Variants in SEMA3C observed in about 807,000 individuals in gnomAD.
SEMA3C encodes the protein semaphorin 3C.
SEMA3C carries 47 observed loss-of-function variants against 89.4 expected under a neutral mutation model. That is an observed-to-expected ratio of 0.53 (90% CI 0.42 to 0.67). The LOEUF is 0.67. SEMA3C is among the 30% of genes least tolerant of loss of function. SEMA3C has a pLI of 0.00. For synonymous variants in SEMA3C, 310 were observed against 320.2 expected (o/e 0.97, Z 0.34); for missense variants, 839 against 929.1 (o/e 0.90, Z 1.26).
intron 2 of SEMA3C, among the ~76,000 whole-genome samples, chr7:80,859,659 C>T (rs76446001): frequency 1.8e-4 from 27 of 152,260 alleles, no homozygotes; most frequent in Non-Finnish European, 3.7e-4. Flanking sequence ...AATAGTTTGG[C>T]GGCACACATT....
chr7:80,888,849 T>A (rs2116138287), intron 2 of SEMA3C, among the ~76,000 whole-genome samples: 1 of 152,098 alleles, frequency 6.6e-6, no homozygotes, highest in East Asian at 1.9e-4. Flanking sequence ...TTTTATCTTT[T>A]ATTTGAAATG....
At chr7:80,818,717 T>C (rs771807025) in intron 4 of SEMA3C, among the ~76,000 whole-genome samples, 1 of 152,210 alleles carries the variant, frequency 6.6e-6, no homozygotes, top group Admixed American at 6.5e-5. Context: ...GAATTTGTGC[T>C]GGGCCACATT....
chr7:80,865,749 G>A (rs996823312), intron 2 of SEMA3C, among the ~76,000 whole-genome samples: 4 of 152,028 alleles, frequency 2.6e-5, no homozygotes, highest in Admixed American at 6.5e-5. Context: ...AGCAGAGATC[G>A]CGCCATTGCA....
chr7:80,754,898 C>T (rs1788019871), intron 15 of SEMA3C, among the ~76,000 whole-genome samples: 1 of 151,610 alleles, frequency 6.6e-6, no homozygotes, highest in African/African-American at 2.4e-5. Flanking sequence ...CTGCCTCAGC[C>T]TCCCAAGTAT....
chr7:80,798,517 A>T (rs1398011003), intron 10 of SEMA3C, among the ~76,000 whole-genome samples: 3 of 152,218 alleles, frequency 2.0e-5, no homozygotes, highest in Non-Finnish European at 4.4e-5. Flanking sequence ...GTTTCTAACT[A>T]GTTCATCTTA....
chr7:80,810,686 T>C lies in SEMA3C; in HGVS notation c.463A>G (p.Ile155Val). The C allele has an allele frequency of 1.9e-6, 3 of 1,613,540 alleles. No individual in the cohort carries two copies. Among genetic ancestry groups the C allele is most frequent in the Non-Finnish European group, 2.5e-6 (3 of 1,179,596 alleles). Residue 155 changes from isoleucine (I) to valine (V), a missense_variant, in exon 6 of 18, where the codon ATT becomes GTT. Coordinates refer to ENST00000265361, the MANE Select transcript of SEMA3C (RefSeq NM_006379.5). ...TTTCCAGATTCACACTTGGAGTCAA[T>C]CATGAAAACTTGGTCCTTTATTGTA... is the stretch of plus-strand genomic sequence containing the variant. ...GRRSEDQVFM[I>V]DSKCESGKGR...
intron 2 of SEMA3C, among the ~76,000 whole-genome samples, chr7:80,868,276 A>AT (rs1292577074): frequency 2.0e-5 from 3 of 151,820 alleles, no homozygotes; most frequent in East Asian, 1.9e-4. Context: ...TTTATTCATT[A>AT]TTTTTTTCTG....
In SEMA3C at chr7:80,763,320, A is replaced by T. The variant is rs374441537; in HGVS notation, c.1444-1663T>A. Among the ~76,000 whole-genome samples, 18 of 152,334 alleles carry T rather than the reference A, an allele frequency of 1.2e-4. No individual in the cohort carries two copies. The South Asian group carries it at 3.5e-3, about 30-fold the overall frequency. On this transcript the variant is annotated intron_variant, in intron 13 of 17. Coordinates refer to ENST00000265361, the MANE Select transcript of SEMA3C (RefSeq NM_006379.5). ...ACATGCTCATGACAGTGTATCATAC[A>T]CACCCAATTATTTTTACCTCACCTC... is the stretch of plus-strand genomic sequence containing the variant.
Position 80,745,224 on chromosome 7 carries a change from G to A in SEMA3C, c.1926C>T (p.His642=), listed in dbSNP as rs1787773163. 6.2e-7 allele frequency: 1 copy of A among 1,613,936 alleles called. No homozygotes were observed. The highest frequency in any genetic ancestry group is 1.7e-5 in the Admixed American group (1 of 59,948). ...SVQGSDQGLY[H]CIATENSFKQ... ...TGAAACTATTTTCTGTAGCAATGCAGTGATAAAGTCCTTGGTCAGAACCCT... is the reference window on the plus strand; with the variant it reads ...TGAAACTATTTTCTGTAGCAATGCAATGATAAAGTCCTTGGTCAGAACCCT... Residue 642 remains histidine (H), a synonymous_variant, in exon 18 of 18, where the codon CAC becomes CAT. Transcript: ENST00000265361.
At chr7:80,779,585 C>T (rs1788645602) in intron 12 of SEMA3C, among the ~76,000 whole-genome samples, 1 of 152,128 alleles carries the variant, frequency 6.6e-6, no homozygotes, top group Admixed American at 6.6e-5. Flanking sequence ...AAAAAAGTCT[C>T]ATTTTCTTTT....
chr7:80,769,544 G>T (rs986666645), intron 12 of SEMA3C, among the ~76,000 whole-genome samples: 7 of 152,122 alleles, frequency 4.6e-5, no homozygotes, highest in African/African-American at 1.7e-4. Flanking sequence ...ACAAAGAAGG[G>T]CTATAAAGAT....
At chr7:80,850,022 AC>A (rs1790475609) in intron 2 of SEMA3C, among the ~76,000 whole-genome samples, 2 of 152,188 alleles carry the variant, frequency 1.3e-5, no homozygotes, top group Admixed American at 6.5e-5. Flanking sequence ...TAAATGACCA[AC>A]AAACTGAAAA....
Position 80,828,701 on chromosome 7 carries a change from G to A in SEMA3C, c.148C>T (p.His50Tyr), listed in dbSNP as rs1255355506. The change falls in exon 3 of 18, where the codon CAT (histidine) becomes TAT (tyrosine). Residue 50 changes from histidine (H) to tyrosine (Y), a missense_variant. Physicochemically the swap from His to Tyr is moderately conservative, Grantham distance 83. Transcript: ENST00000265361. ...AATAAAATCCTGTAGTCTAAAGGAT[G>A]GTGGGAAAGGCTGAAGTATTCAGAG... ...KTSEYFSLSH[H>Y]PLDYRILLMD... 6.2e-7 allele frequency: 1 copy of A among 1,611,158 alleles called. No homozygotes were observed. Among genetic ancestry groups the A allele is most frequent in the Non-Finnish European group, 8.5e-7 (1 of 1,178,098 alleles).
chr7:80,869,119 C>G (rs1335542935), intron 2 of SEMA3C, among the ~76,000 whole-genome samples: 2 of 152,032 alleles, frequency 1.3e-5, no homozygotes, highest in Non-Finnish European at 2.9e-5. Context: ...ATTTAAAATC[C>G]TGGTGTTCCA....
chr7:80,863,817 A>ACG (rs1562911850), intron 2 of SEMA3C, among the ~76,000 whole-genome samples: 4 of 123,606 alleles, frequency 3.2e-5, no homozygotes, highest in African/African-American at 8.0e-5. Context: ...TGTGATACAT[A>ACG]TATATGTGAT....
At chr7:80,816,889 G>C (rs1434587808) in intron 5 of SEMA3C, among the ~76,000 whole-genome samples, 1 of 152,208 alleles carries the variant, frequency 6.6e-6, no homozygotes, top group Non-Finnish European at 1.5e-5. Context: ...GAAGTGCATA[G>C]TGGGCAATTC....
chr7:80,809,902 A>G (rs1457795529), intron 6 of SEMA3C, among the ~76,000 whole-genome samples: 1 of 152,054 alleles, frequency 6.6e-6, no homozygotes, highest in Non-Finnish European at 1.5e-5. Context: ...GGAATCTAAA[A>G]AAGTTGATCT....
At chr7:80,763,750 G>T (rs1788236797) in intron 13 of SEMA3C, among the ~76,000 whole-genome samples, 1 of 152,030 alleles carries the variant, frequency 6.6e-6, no homozygotes, top group African/African-American at 2.4e-5. Flanking sequence ...CCAGAATAAG[G>T]CACTTCGTAT....
At chr7:80,920,837 T>G (rs534161752), upstream of SEMA3C, among the ~76,000 whole-genome samples, 3 of 152,332 alleles carry the variant, frequency 2.0e-5, no homozygotes, top group African/African-American at 7.2e-5. Context: ...CTTCTGAAAC[T>G]GAGTAAGATC....
Sources: gnomAD v4.1 joint callset for allele counts (sites outside exome capture counted in the v4.1 genomes callset) on GRCh38, gnomAD v4.1.1 for gene constraint, MANE v1.5 for transcripts, NCBI Gene and HGNC (gene_info 2026-07-23, HGNC 2026-07-21) for gene names.